The following ATN1 variants were observed in gnomAD, a reference collection of about 807,000 sequenced individuals.
ATN1 encodes atrophin 1, also known as atrophin-1.
ATN1 carries 19 observed loss-of-function variants against 85.8 expected under a neutral mutation model. The observed-to-expected ratio is 0.22, with a 90% CI of 0.15 to 0.32. The LOEUF (loss-of-function observed/expected upper bound fraction) is 0.32, where lower values mean the gene tolerates loss of function less well. ATN1 is among the 10% of genes least tolerant of loss of function. ATN1 has a pLI of 1.00. For synonymous variants in ATN1, 674 were observed against 657.0 expected (o/e 1.03, Z -0.39); for missense variants, 1,453 against 1,564.5 (o/e 0.93, Z 1.20).
At chr12:6,927,451 A>C (rs1591657244), upstream of ATN1, among the ~76,000 whole-genome samples, 1 of 146,446 alleles carries the variant, frequency 6.8e-6, no homozygotes, top group Non-Finnish European at 1.5e-5. Context: ...CTCCCACTTC[A>C]CCTCTGCCAC....
In ATN1 at chr12:6,942,250, T is replaced by G. The variant is rs1479606797; in HGVS notation, c.*470T>G. On this transcript the variant is annotated 3_prime_UTR_variant, in exon 10 of 10. Transcript: ENST00000396684. ...CTAATAATTTATATATATAAATATC[T>G]ATATGACGCTCTTAAAAAAACATCC... 6.4e-6 allele frequency: 1 copy of G among 155,040 alleles called. No individual in the cohort carries two copies. The highest frequency in any genetic ancestry group is 1.9e-4 in the East Asian group (1 of 5,248). The allele number at this position is 155,040 out of a possible 1,614,324, so 9.6% of individuals were successfully genotyped here. A position where few individuals can be genotyped will look rare whatever the true frequency, so the allele number is the denominator to read the frequency against.
At chr12:6,939,873 G>A (rs1945610826) in intron 7 of ATN1, among the ~76,000 whole-genome samples, 1 of 152,180 alleles carries the variant, frequency 6.6e-6, no homozygotes, top group South Asian at 2.1e-4. Context: ...CTCCCTCTGC[G>A]AGGTCTTTCA....
In ATN1 at chr12:6,937,674, C is replaced by T. The variant is rs149776786; in HGVS notation, c.2294+113C>T. On this transcript the variant is annotated intron_variant, in intron 5 of 9. Transcript: ENST00000396684. This position sits in a 1 kb window ranked among gnomAD's most constrained non-coding sequence, Gnocchi z 6.0. ...GCGCTGGTGTAGTGTTTTAGAAAAG[C>T]ACGCCCCTCTCCTCCGTCCAGGCCT... 2.1e-6 allele frequency: 3 copies of T among 1,426,824 alleles called. No individual in the cohort carries two copies. Among genetic ancestry groups the T allele is most frequent in the East Asian group, 5.0e-5 (2 of 39,876 alleles). The allele number at this position is 1,426,824 out of a possible 1,614,324, so 88.4% of individuals were successfully genotyped here. A position where few individuals can be genotyped will look rare whatever the true frequency, so the allele number is the denominator to read the frequency against.
At position 6,935,771 on chromosome 12, in the gene ATN1, C is replaced by T. The variant is rs1945522816; in HGVS notation, c.504C>T (p.Ser168=). 1 of 1,613,790 alleles carries T rather than the reference C, an allele frequency of 6.2e-7. No homozygotes were observed. Residue 168 remains serine, a synonymous_variant, in exon 5 of 10, where the codon TCC becomes TCT. Transcript: ENST00000396684. The surrounding 1 kb of genome is among the most constrained non-coding windows in gnomAD (Gnocchi z 5.3). ...PYHPPPLFPP[S]PQPPDSTPRQ... ...ACCCACCTCCACTCTTTCCTCCTTC[C>T]CCTCAACCGCCAGACAGCACCCCTC...
chr12:6,927,781 G>GCT (rs1945413280), upstream of ATN1, among the ~76,000 whole-genome samples: 9 of 150,460 alleles, frequency 6.0e-5, no homozygotes, highest in South Asian at 1.9e-3. Context: ...CCTCTCCCAG[G>GCT]CTCCCTCCCT....
intron 1 of ATN1, among the ~76,000 whole-genome samples, chr12:6,930,079 C>G (rs987011161): frequency 2.6e-5 from 4 of 152,194 alleles, no homozygotes; most frequent in Non-Finnish European, 4.4e-5. Flanking sequence ...AGCCAGGAGA[C>G]CTGTGTCTAG....
In ATN1 at chr12:6,941,684, G is replaced by A. The variant is rs1945637396; in HGVS notation, c.3540-63G>A. On this transcript the variant is annotated intron_variant, in intron 9 of 9. Coordinates refer to ENST00000396684, the MANE Select transcript of ATN1 (RefSeq NM_001940.4). This position sits in a 1 kb window ranked among gnomAD's most constrained non-coding sequence, Gnocchi z 5.9. ...CCTCTCCCAACCCCTTCGGTAAGAGGGGGCAAGGTCAGAGTTGGTCTCAAG... is the reference window on the plus strand; with the variant it reads ...CCTCTCCCAACCCCTTCGGTAAGAGAGGGCAAGGTCAGAGTTGGTCTCAAG... The A allele has an allele frequency of 1.9e-6, 3 of 1,598,566 alleles. No homozygotes were observed. Among genetic ancestry groups the A allele is most frequent in the African/African-American group, 1.3e-5 (1 of 74,536 alleles).
In ATN1 at chr12:6,936,068, T is replaced by C. The variant is rs1555143567; in HGVS notation, c.801T>C (p.Ala267=). 1 of 1,544,570 alleles carries C rather than the reference T, an allele frequency of 6.5e-7. No homozygotes were observed. Among genetic ancestry groups the C allele is most frequent in the Non-Finnish European group, 8.7e-7 (1 of 1,146,334 alleles). Residue 267 remains alanine (A), a synonymous_variant, in exon 5 of 10, where the codon GCT becomes GCC. Transcript: ENST00000396684. ...TTPISVSSSG[A]SGAPPTKPPT... ...CCATTTCAGTATCAAGCTCTGGGGCTAGTGGTGCTCCCCCAACAAAGCCGC... is the reference window on the plus strand; with the variant it reads ...CCATTTCAGTATCAAGCTCTGGGGCCAGTGGTGCTCCCCCAACAAAGCCGC...
rs200053020 is a variant in ATN1, at chr12:6,934,104, C to A, written c.28-72C>A. 72 of 1,613,390 alleles carry A rather than the reference C, an allele frequency of 4.5e-5. No individual in the cohort carries two copies. The highest frequency in any genetic ancestry group is 1.9e-5 in the Non-Finnish European group (22 of 1,179,632). On this transcript the variant is annotated intron_variant, in intron 2 of 9. Transcript: ENST00000396684. This position sits in a 1 kb window ranked among gnomAD's most constrained non-coding sequence, Gnocchi z 4.5. ...GGAGGAAGGGTCTAGAGAAGAAGAA[C>A]AAATAATGTGCACCATAAAGTTAGG...
At chr12:6,940,749 C>A in intron 7 of ATN1, 131 bp from the exon 8 acceptor site, 1 of 1,142,548 alleles carries the variant, frequency 8.8e-7, no homozygotes, top group Non-Finnish European at 1.3e-6. Context: ...TTCTTCCACT[C>A]TGCCTTTGTT....
chr12:6,938,092 C>A, intron 6 of ATN1, 25 bp downstream of exon 6: 1 of 1,528,956 alleles, frequency 6.5e-7, no homozygotes, highest in Middle Eastern at 2.3e-4. Context: ...GCCTGCGCCA[C>A]CGCCTTCTTT....
rs192536030 is a variant in ATN1, at chr12:6,940,923, G to A, written c.3258G>A (p.Gly1086=). ...CTCTCATTGACCCCCTGGCCTCAGG[G>A]TCTCACCTTACCCGGATCCCCTACC... ...VHPLIDPLAS[G]SHLTRIPYPA... is the part of the protein sequence containing the mutation. The change falls in exon 8 of 10, where the codon GGG becomes GGA. Residue 1086 remains glycine, a synonymous_variant. Coordinates refer to ENST00000396684, the MANE Select transcript of ATN1 (RefSeq NM_001940.4). The A allele has an allele frequency of 1.2e-6, 2 of 1,614,154 alleles. No individual in the cohort carries two copies. The highest frequency in any genetic ancestry group is 2.2e-5 in the East Asian group (1 of 44,880).
In ATN1 at chr12:6,934,591, T is replaced by C. The variant is rs782529878; in HGVS notation, c.279+13T>C. 10 of 1,535,456 alleles carry C rather than the reference T, an allele frequency of 6.5e-6. No homozygotes were observed. Among genetic ancestry groups the C allele is most frequent in the African/African-American group, 4.1e-5 (3 of 72,724 alleles). Reference sequence around the variant, plus strand: ...GACCAAAACTGAGGTGGGAAACCCTTGTCGCCATCCTGACCCATCTTGTGA... The same window carrying C: ...GACCAAAACTGAGGTGGGAAACCCTCGTCGCCATCCTGACCCATCTTGTGA... On this transcript the variant is annotated intron_variant, in intron 4 of 9. Coordinates refer to ENST00000396684, the MANE Select transcript of ATN1 (RefSeq NM_001940.4). This position sits in a 1 kb window ranked among gnomAD's most constrained non-coding sequence, Gnocchi z 4.5.
At position 6,937,649 on chromosome 12, in the gene ATN1, G is replaced by T. The variant is rs373651716; in HGVS notation, c.2294+88G>T. On this transcript the variant is annotated intron_variant, in intron 5 of 9. Coordinates refer to ENST00000396684, the MANE Select transcript of ATN1 (RefSeq NM_001940.4). This position sits in a 1 kb window ranked among gnomAD's most constrained non-coding sequence, Gnocchi z 6.0. ...AGAGGGAGTAGCAGGGAGGGGCCTTGCGCTGGTGTAGTGTTTTAGAAAAGC... is the reference window on the plus strand; with the variant it reads ...AGAGGGAGTAGCAGGGAGGGGCCTTTCGCTGGTGTAGTGTTTTAGAAAAGC... 7.0e-7 allele frequency: 1 copy of T among 1,433,050 alleles called. No individual in the cohort carries two copies. Among genetic ancestry groups the T allele is most frequent in the African/African-American group, 1.4e-5 (1 of 69,598 alleles). The allele number at this position is 1,433,050 out of a possible 1,614,324, so 88.8% of individuals were successfully genotyped here. A position where few individuals can be genotyped will look rare whatever the true frequency, so the allele number is the denominator to read the frequency against.
chr12:6,941,731 A>G lies in ATN1; in HGVS notation c.3540-16A>G. 3 of 1,613,744 alleles carry G rather than the reference A, an allele frequency of 1.9e-6. No individual in the cohort carries two copies. The highest frequency in any genetic ancestry group is 1.7e-6 in the Non-Finnish European group (2 of 1,179,716). On this transcript the variant is annotated splice_polypyrimidine_tract_variant and intron_variant, in intron 9 of 9. Coordinates refer to ENST00000396684, the MANE Select transcript of ATN1 (RefSeq NM_001940.4). The surrounding 1 kb of genome is among the most constrained non-coding windows in gnomAD (Gnocchi z 5.9). ...CAAGTCTCTTACCTCTCTGCTATGC[A>G]CTGCCCCTTCCCTAGTCACCTGAAG...
chr12:6,925,465 CAG>C (rs1277060958), upstream of ATN1, among the ~76,000 whole-genome samples: 1 of 151,856 alleles, frequency 6.6e-6, no homozygotes, highest in East Asian at 1.9e-4. Flanking sequence ...GGAACAAAGT[CAG>C]GGGTGGGGAG....
At position 6,942,276 on chromosome 12, in the gene ATN1, C is replaced by G. The variant is rs1222642298; in HGVS notation, c.*496C>G. The G allele has an allele frequency of 6.5e-6, 1 of 153,918 alleles. No homozygotes were observed. The allele number at this position is 153,918 out of a possible 1,614,324, so 9.5% of individuals were successfully genotyped here. ...ATATGACGCTCTTAAAAAAACATCC[C>G]AACCAAAACCAACCAAACAAAAACA... is the stretch of plus-strand genomic sequence containing the variant. On this transcript the variant is annotated 3_prime_UTR_variant, in exon 10 of 10. Coordinates refer to ENST00000396684, the MANE Select transcript of ATN1 (RefSeq NM_001940.4).
At chr12:6,925,089 G>A (rs1443346733), upstream of ATN1, among the ~76,000 whole-genome samples, 2 of 148,654 alleles carry the variant, frequency 1.3e-5, no homozygotes, top group Non-Finnish European at 2.9e-5. Flanking sequence ...TGGGGTGAGG[G>A]ATGGCTGGGG....
At chr12:6,928,592 C>T (rs1220169247) in intron 1 of ATN1, among the ~76,000 whole-genome samples, 1 of 151,972 alleles carries the variant, frequency 6.6e-6, no homozygotes, top group Non-Finnish European at 1.5e-5. Context: ...CGAGGAGAGT[C>T]GGGGGCCAGG....
Sources: gnomAD v4.1 joint callset for allele counts (sites outside exome capture counted in the v4.1 genomes callset) on GRCh38, gnomAD v4.1.1 for gene constraint, Gnocchi (gnomAD v3.1) non-coding constraint, MANE v1.5 for transcripts, NCBI Gene and HGNC (gene_info 2026-07-23, HGNC 2026-07-21) for gene names.